Variants in GOT1 observed in about 807,000 individuals in gnomAD.
GOT1 encodes aspartate aminotransferase, cytoplasmic.
Under a neutral mutation model 48.2 loss-of-function variants are expected in GOT1, and 25 were observed. That is an observed-to-expected ratio of 0.52 (90% CI 0.38 to 0.72). The LOEUF (loss-of-function observed/expected upper bound fraction) is 0.72, where lower values mean the gene tolerates loss of function less well. GOT1 is among the 30% of genes least tolerant of loss of function. GOT1 has a pLI of 0.00. For synonymous variants in GOT1, 188 were observed against 193.8 expected (o/e 0.97, Z 0.25); for missense variants, 380 against 520.1 (o/e 0.73, Z 2.62).
In GOT1 at chr10:99,430,198, G is replaced by A. The variant is rs188283681; in HGVS notation, c.118+250C>T. 172 of 1,019,094 alleles carry A rather than the reference G, an allele frequency of 1.7e-4. No homozygotes were observed. The East Asian group carries it at 4.8e-3, about 28-fold the overall frequency. 63.1% of individuals were successfully genotyped at this position (1,019,094 alleles called of 1,614,324 possible). A position where few individuals can be genotyped will look rare whatever the true frequency, so the allele number is the denominator to read the frequency against. Reference sequence around the variant, plus strand: ...GGCAGAATGGGGAATCGGAAAGACTGAGTTTGTGTCTTGGCTGCTACACCT... The same window carrying A: ...GGCAGAATGGGGAATCGGAAAGACTAAGTTTGTGTCTTGGCTGCTACACCT... On this transcript the variant is annotated intron_variant, in intron 1 of 8. Transcript: ENST00000370508.
intron 7 of GOT1, 74 bp downstream of exon 7, chr10:99,403,395 C>A: frequency 8.5e-7 from 1 of 1,178,278 alleles, no homozygotes; most frequent in South Asian, 1.5e-5. Context: ...AGGAAGAGAC[C>A]CAGTTAAATG....
At chr10:99,418,391 A>G (rs2032924647) in intron 2 of GOT1, among the ~76,000 whole-genome samples, 1 of 151,794 alleles carries the variant, frequency 6.6e-6, no homozygotes, top group South Asian at 2.1e-4. Context: ...AGAGGAAGAA[A>G]CTCCCCAACA....
intron 2 of GOT1, among the ~76,000 whole-genome samples, chr10:99,419,079 C>G (rs543884621): frequency 2.6e-5 from 4 of 152,278 alleles, no homozygotes; most frequent in Admixed American, 1.3e-4. Flanking sequence ...GGTGTGCAAC[C>G]TTTATTGTCC....
chr10:99,401,044 T>C (rs2032668620), intron 8 of GOT1, among the ~76,000 whole-genome samples: 1 of 152,264 alleles, frequency 6.6e-6, no homozygotes, highest in Non-Finnish European at 1.5e-5. Flanking sequence ...AGCACAGTTC[T>C]ATTCTCATCA....
At chr10:99,428,707 C>A (rs761275710) in intron 1 of GOT1, among the ~76,000 whole-genome samples, 1 of 152,158 alleles carries the variant, frequency 6.6e-6, no homozygotes, top group East Asian at 1.9e-4. Flanking sequence ...AATACTAGTT[C>A]TTTGTATACA....
At chr10:99,422,935 A>C (rs557427733) in intron 1 of GOT1, among the ~76,000 whole-genome samples, 1 of 152,364 alleles carries the variant, frequency 6.6e-6, no homozygotes, top group South Asian at 2.1e-4. Flanking sequence ...CTATTAAAAC[A>C]ATACTTCAGT....
chr10:99,410,305 C>G (rs2032813827), intron 2 of GOT1, among the ~76,000 whole-genome samples: 1 of 152,218 alleles, frequency 6.6e-6, no homozygotes, highest in South Asian at 2.1e-4. Context: ...CTAAGCCACT[C>G]TAGAGTGCTA....
intron 1 of GOT1, 69 bp downstream of exon 1, chr10:99,430,379 T>C: frequency 1.2e-6 from 2 of 1,607,172 alleles, no homozygotes; most frequent in East Asian, 4.5e-5. Context: ...TCTCCCACAG[T>C]CTCCACGACC....
chr10:99,422,097 G>C (rs985366859), intron 1 of GOT1, among the ~76,000 whole-genome samples: 2 of 152,214 alleles, frequency 1.3e-5, no homozygotes, highest in Admixed American at 6.5e-5. Context: ...GTAATCTCCA[G>C]TGTTGATGGA....
intron 1 of GOT1, among the ~76,000 whole-genome samples, chr10:99,423,861 G>A (rs2033003221): frequency 6.6e-6 from 1 of 150,690 alleles, no homozygotes; most frequent in Non-Finnish European, 1.5e-5. Flanking sequence ...TCACTTTGTT[G>A]CCCAGGCTGG....
intron 2 of GOT1, among the ~76,000 whole-genome samples, chr10:99,407,543 C>G (rs1416914755): frequency 6.6e-6 from 1 of 151,886 alleles, no homozygotes; most frequent in Admixed American, 6.6e-5. Context: ...AGTGATTCTC[C>G]TGCCTCAGCC....
At position 99,403,750 on chromosome 10, in the gene GOT1, G is replaced by T; in HGVS notation, c.767C>A (p.Ser256Tyr). The T allele has an allele frequency of 6.2e-7, 1 of 1,614,212 alleles. No individual in the cohort carries two copies. Among genetic ancestry groups the T allele is most frequent in the Non-Finnish European group, 8.5e-7 (1 of 1,180,034 alleles). Residue 256 changes from serine to tyrosine, a missense_variant, in exon 6 of 9, where the codon TCC becomes TAC. Physicochemically the swap from Ser to Tyr is moderately radical, Grantham distance 144. Coordinates refer to ENST00000370508, the MANE Select transcript of GOT1 (RefSeq NM_002079.3). Reference protein sequence around the residue: ...SEGFEFFCAQSFSKNFGLYNE... With the variant: ...SEGFEFFCAQYFSKNFGLYNE... ...GTAGAGCCCGAAGTTCTTGGAGAAG[G>T]ACTGGGCACAGAAGAACTCGAAGCC... is the stretch of plus-strand genomic sequence containing the variant.
intron 3 of GOT1, 26 bp downstream of exon 3, chr10:99,406,700 C>T (rs1435217656): frequency 6.2e-7 from 1 of 1,607,474 alleles, no homozygotes; most frequent in Admixed American, 1.7e-5. Flanking sequence ...TTCTGTTTTT[C>T]CTCTCACTTC....
At chr10:99,423,126 C>T (rs1282309282) in intron 1 of GOT1, among the ~76,000 whole-genome samples, 3 of 152,148 alleles carry the variant, frequency 2.0e-5, no homozygotes, top group East Asian at 1.9e-4. Flanking sequence ...TGTTTAAGAG[C>T]GTTTGCTTCC....
intron 2 of GOT1, among the ~76,000 whole-genome samples, chr10:99,417,489 A>C (rs1402282608): frequency 1.3e-5 from 2 of 152,236 alleles, no homozygotes; most frequent in Admixed American, 6.5e-5. Context: ...GTGGGACTGT[A>C]AACTAGTTCA....
At chr10:99,403,318 CCT>C (rs1197519497) in intron 7 of GOT1, 149 bp downstream of exon 7, 8 of 665,682 alleles carry the variant, frequency 1.2e-5, no homozygotes, top group Admixed American at 1.0e-4. Context: ...GATATCAGCC[CCT>C]GTTTTACAAA....
At chr10:99,423,364 A>T (rs2862613) in intron 1 of GOT1, among the ~76,000 whole-genome samples, 10,536 of 152,266 alleles carry the variant, frequency 0.069, 1,152 homozygotes, top group African/African-American at 0.23. Flanking sequence ...ATATTTACAC[A>T]TATTCATGAG....
At chr10:99,427,849 G>C (rs1484339413) in intron 1 of GOT1, among the ~76,000 whole-genome samples, 2 of 152,188 alleles carry the variant, frequency 1.3e-5, no homozygotes, top group African/African-American at 4.8e-5. Flanking sequence ...GGGGCAAATT[G>C]CTTCACCTCT....
chr10:99,424,466 T>G (rs546933364), intron 1 of GOT1, among the ~76,000 whole-genome samples: 4 of 152,338 alleles, frequency 2.6e-5, no homozygotes, highest in East Asian at 1.9e-4. Context: ...CAAAAAAATT[T>G]GGGATGTTTA....
Sources: gnomAD v4.1 joint callset for allele counts (sites outside exome capture counted in the v4.1 genomes callset) on GRCh38, gnomAD v4.1.1 for gene constraint, MANE v1.5 for transcripts, NCBI Gene and HGNC (gene_info 2026-07-23, HGNC 2026-07-21) for gene names.